The following RBM15B variants were observed in gnomAD, a reference collection of about 807,000 sequenced individuals.
The protein encoded by RBM15B is putative RNA-binding protein 15B.
RBM15B carries 11 observed loss-of-function variants against 53.3 expected under a neutral mutation model. The ratio of observed to expected loss-of-function variants is 0.21; its 90% CI spans 0.13 to 0.34. RBM15B has a LOEUF of 0.34. RBM15B is among the 10% of genes least tolerant of loss of function. The probability of loss-of-function intolerance (pLI) is 1.00; values close to 1 mark genes in which losing one functional copy is unlikely to be tolerated. For missense variants in RBM15B, 1,136 were observed against 1,250.3 expected, an observed-to-expected ratio of 0.91 and a Z score of 1.38; for synonymous variants, 631 against 540.7, an observed-to-expected ratio of 1.17 and a Z score of -2.32.
chr3:51,395,286 G>C lies in RBM15B; in HGVS notation c.*1214G>C, dbSNP rs2089135883. On this transcript the variant is annotated 3_prime_UTR_variant, in exon 1 of 1. Coordinates refer to ENST00000563281, the MANE Select transcript of RBM15B (RefSeq NM_013286.5). ...GGAAATAATTAATAGATATTTTTCT[G>C]GGGGGAAATCACAAGTCACTGAGGT... 6.0e-6 allele frequency: 1 copy of C among 167,142 alleles called. No individual in the cohort carries two copies. The highest frequency in any genetic ancestry group is 2.1e-4 in the South Asian group (1 of 4,832). 10.4% of individuals were successfully genotyped at this position (167,142 alleles called of 1,614,324 possible). A position where few individuals can be genotyped will look rare whatever the true frequency, so the allele number is the denominator to read the frequency against.
At position 51,391,763 on chromosome 3, in the gene RBM15B, C is replaced by T. The variant is rs1193558126; in HGVS notation, c.364C>T (p.Pro122Ser). 4 of 1,577,466 alleles carry T rather than the reference C, an allele frequency of 2.5e-6. No homozygotes were observed. The African/African-American group carries it at 5.6e-5, about 22-fold the overall frequency. The stretch of plus-strand genomic sequence containing the variant: ...TCCTCTGCCGCCGCCTCCGCCACCG[C>T]CTGGGGCCGAGCCCGCGTGTCCCGG... The part of the protein sequence containing the change: ...ASPLPPPPPP[P>S]GAEPACPGSS... Residue 122 changes from proline (P) to serine (S), a missense_variant, in exon 1 of 1, where the codon CCT becomes TCT. Physicochemically the swap from Pro to Ser is moderately conservative, Grantham distance 74 (BLOSUM62 -1). Around this residue, in one of 7 missense-constraint regions of RBM15B, gnomAD observed 257 missense variants for 261.1 expected, o/e 0.98. Coordinates refer to ENST00000563281, the MANE Select transcript of RBM15B (RefSeq NM_013286.5). The surrounding 1 kb of genome is among the most constrained non-coding windows in gnomAD (Gnocchi z 4.5).
In RBM15B at chr3:51,396,128, G is replaced by A. The variant is rs1553622867; in HGVS notation, c.*2056G>A. The stretch of plus-strand genomic sequence containing the variant: ...TTGTTAAGTCCAAAACTTCTTCTCT[G>A]GGCTACCTATCTTCCTTCATGAAGC... On this transcript the variant is annotated 3_prime_UTR_variant, in exon 1 of 1. Coordinates refer to ENST00000563281, the MANE Select transcript of RBM15B (RefSeq NM_013286.5). 4.9e-6 allele frequency: 2 copies of A among 405,302 alleles called. No individual in the cohort carries two copies. Among genetic ancestry groups the A allele is most frequent in the Non-Finnish European group, 9.0e-6 (2 of 221,620 alleles). 25.1% of individuals were successfully genotyped at this position (405,302 alleles called of 1,614,324 possible).
rs1249604063 is a variant in RBM15B at position 51,394,463 on chromosome 3, C to T, written c.*391C>T. On this transcript the variant is annotated 3_prime_UTR_variant, in exon 1 of 1. Transcript: ENST00000563281. ...ATCGAAGACATCCCTAGTGCATGTACACGAATGCCCTACGTCATCCTTCCA... is the reference window on the plus strand; with the variant it reads ...ATCGAAGACATCCCTAGTGCATGTATACGAATGCCCTACGTCATCCTTCCA... The T allele has an allele frequency of 5.8e-6, 1 of 172,972 alleles. No homozygotes were observed. The highest frequency in any genetic ancestry group is 1.4e-5 in the Non-Finnish European group (1 of 72,350). The allele number at this position is 172,972 out of a possible 1,614,324, so 10.7% of individuals were successfully genotyped here.
Position 51,393,265 on chromosome 3 carries a change from G to A in RBM15B, c.1866G>A (p.Gln622=). The stretch of plus-strand genomic sequence containing the variant: ...GGAGTAGGACCAAGGGCAGTGGGCA[G>A]CAGTCAGAGCGGGGCTCCGACCGCA... ...EERSRTKGSG[Q]QSERGSDRTP... The change falls in exon 1 of 1, where the codon CAG becomes CAA. Residue 622 remains glutamine, a synonymous_variant. Transcript: ENST00000563281. This position sits in a 1 kb window ranked among gnomAD's most constrained non-coding sequence, Gnocchi z 5.6. 6.2e-7 allele frequency: 1 copy of A among 1,612,808 alleles called. No homozygotes were observed. Among genetic ancestry groups the A allele is most frequent in the Non-Finnish European group, 8.5e-7 (1 of 1,179,440 alleles).
chr3:51,397,119 TTCTC>T lies in RBM15B; in HGVS notation c.*3051_*3054del, dbSNP rs1165625349. 6.0e-6 allele frequency: 1 copy of T among 167,140 alleles called. No homozygotes were observed. The highest frequency in any genetic ancestry group is 1.5e-5 in the Non-Finnish European group (1 of 68,136). The allele number at this position is 167,140 out of a possible 1,614,324, so 10.4% of individuals were successfully genotyped here. ...ACTTCACAACCAAATTTGTCCCCTC[TTCTC>T]TCTGTTAAGGGAGAGAAGTCACTTT... On this transcript the variant is annotated 3_prime_UTR_variant, in exon 1 of 1. Transcript: ENST00000563281.
rs782412766 is a variant in RBM15B, at chr3:51,391,746, C to T, written c.347C>T (p.Pro116Leu). The T allele has an allele frequency of 7.8e-6, 12 of 1,544,244 alleles. No individual in the cohort carries two copies. Among genetic ancestry groups the T allele is most frequent in the South Asian group, 2.3e-5 (2 of 85,700 alleles). ...ATGTCGCCCCGCGCGTCTCCTCTGC[C>T]GCCGCCTCCGCCACCGCCTGGGGCC... ...SGMSPRASPL[P>L]PPPPPPGAEP... The change falls in exon 1 of 1, where the codon CCG (proline) becomes CTG (leucine). Residue 116 changes from proline to leucine, a missense_variant. This residue lies in a region of RBM15B where 257 missense variants were observed against 261.1 expected (regional missense o/e 0.98). Transcript: ENST00000563281. This position sits in a 1 kb window ranked among gnomAD's most constrained non-coding sequence, Gnocchi z 4.5.
rs782439361 is a variant in RBM15B, at chr3:51,391,819, G to A, written c.420G>A (p.Thr140=). Residue 140 remains threonine (T), a synonymous_variant, in exon 1 of 1, where the codon ACG becomes ACA. Transcript: ENST00000563281. The surrounding 1 kb of genome is among the most constrained non-coding windows in gnomAD (Gnocchi z 4.5). ...GSSAAAPEYK[T]LLISSLSPAL... Reference sequence around the variant, plus strand: ...CCGCGGCCGCGCCTGAGTACAAGACGTTGCTCATCAGCAGCTTGAGCCCCG... The same window carrying A: ...CCGCGGCCGCGCCTGAGTACAAGACATTGCTCATCAGCAGCTTGAGCCCCG... 2.9e-5 allele frequency: 47 copies of A among 1,600,810 alleles called. No individual in the cohort carries two copies. The highest frequency in any genetic ancestry group is 3.7e-5 in the Non-Finnish European group (44 of 1,179,130).
At position 51,392,973 on chromosome 3, in the gene RBM15B, C is replaced by T; in HGVS notation, c.1574C>T (p.Ala525Val). ...TACACCCGGCACCGCAACCTGGACGCCGACCTGGTGCGGGACAGGACGCCC... is the reference window on the plus strand; with the variant it reads ...TACACCCGGCACCGCAACCTGGACGTCGACCTGGTGCGGGACAGGACGCCC... ...DGYTRHRNLD[A>V]DLVRDRTPPH... Residue 525 changes from alanine to valine, a missense_variant, in exon 1 of 1, where the codon GCC (alanine) becomes GTC (valine). Ala to Val is a moderately conservative substitution (Grantham distance 64). Transcript: ENST00000563281. The surrounding 1 kb of genome is among the most constrained non-coding windows in gnomAD (Gnocchi z 7.5). The T allele has an allele frequency of 6.2e-7, 1 of 1,613,792 alleles. No homozygotes were observed. The highest frequency in any genetic ancestry group is 2.2e-5 in the East Asian group (1 of 44,876).
chr3:51,391,814 A>G lies in RBM15B; in HGVS notation c.415A>G (p.Lys139Glu). 6.2e-7 allele frequency: 1 copy of G among 1,600,206 alleles called. No homozygotes were observed. Among genetic ancestry groups the G allele is most frequent in the Non-Finnish European group, 8.5e-7 (1 of 1,178,992 alleles). ...PGSSAAAPEY[K>E]TLLISSLSPA... ...CTCATCCGCGGCCGCGCCTGAGTAC[A>G]AGACGTTGCTCATCAGCAGCTTGAG... Residue 139 changes from lysine (K) to glutamate (E), a missense_variant, in exon 1 of 1, where the codon AAG becomes GAG. By Grantham distance (56) the Lys-to-Glu change is moderately conservative (BLOSUM62 1). Transcript: ENST00000563281. The surrounding 1 kb of genome is among the most constrained non-coding windows in gnomAD (Gnocchi z 4.5).
chr3:51,391,530 G>A lies in RBM15B; in HGVS notation c.131G>A (p.Gly44Asp), dbSNP rs2089036160. Residue 44 changes from glycine to aspartate, a missense_variant, in exon 1 of 1, where the codon GGC becomes GAC. Physicochemically the swap from Gly to Asp is moderately conservative, Grantham distance 94. Around this residue, in one of 7 missense-constraint regions of RBM15B, gnomAD observed 257 missense variants for 261.1 expected, o/e 0.98. Transcript: ENST00000563281. This position sits in a 1 kb window ranked among gnomAD's most constrained non-coding sequence, Gnocchi z 4.5. ...CGGGCGGCGCACAAGGCCTCTGGCG[G>A]CGCCAAGCACCCGGTTCCAGCGCGG... ...GRRAAHKASG[G>D]AKHPVPARAR... is the part of the protein sequence containing the mutation. 1 of 1,192,600 alleles carries A rather than the reference G, an allele frequency of 8.4e-7. No homozygotes were observed. Among genetic ancestry groups the A allele is most frequent in the Non-Finnish European group, 1.0e-6 (1 of 962,366 alleles). The allele number at this position is 1,192,600 out of a possible 1,614,324, so 73.9% of individuals were successfully genotyped here. A position where few individuals can be genotyped will look rare whatever the true frequency, so the allele number is the denominator to read the frequency against.
chr3:51,395,722 A>C lies in RBM15B; in HGVS notation c.*1650A>C. The C allele has an allele frequency of 2.4e-6, 1 of 413,026 alleles. No individual in the cohort carries two copies. Among genetic ancestry groups the C allele is most frequent in the Non-Finnish European group, 4.4e-6 (1 of 225,970 alleles). The allele number at this position is 413,026 out of a possible 1,614,324, so 25.6% of individuals were successfully genotyped here. On this transcript the variant is annotated 3_prime_UTR_variant, in exon 1 of 1. Coordinates refer to ENST00000563281, the MANE Select transcript of RBM15B (RefSeq NM_013286.5). ...TAGCATGAGTGACACCTGAGATTAG[A>C]GGCTGGGGCTCACTGCAGGCTGTGG...
At position 51,393,941 on chromosome 3, in the gene RBM15B, G is replaced by A. The variant is rs1553622111; in HGVS notation, c.2542G>A (p.Asp848Asn). ...GCCAGTGGGGGGGTCCAAGGGCAGA[G>A]ACGGCACAGGCATGCTCTACGCCTT... is the stretch of plus-strand genomic sequence containing the variant. ...SLPVGGSKGR[D>N]GTGMLYAFPP... The change falls in exon 1 of 1, where the codon GAC becomes AAC. Residue 848 changes from aspartate (D) to asparagine (N), a missense_variant. Around this residue, in one of 7 missense-constraint regions of RBM15B, gnomAD observed 578 missense variants for 581.6 expected, o/e 0.99. Transcript: ENST00000563281. This position sits in a 1 kb window ranked among gnomAD's most constrained non-coding sequence, Gnocchi z 5.6. 1 of 1,538,516 alleles carries A rather than the reference G, an allele frequency of 6.5e-7. No homozygotes were observed. The highest frequency in any genetic ancestry group is 2.1e-5 in the Admixed American group (1 of 48,510).
chr3:51,393,356 C>T lies in RBM15B; in HGVS notation c.1957C>T (p.Leu653Phe). ...EGTKESSSNSLSNSRHGAEER... is the reference protein window; with the variant it reads ...EGTKESSSNSFSNSRHGAEER... ...GACCAAGGAGTCCAGCAGCAACTCC[C>T]TCAGCAACAGCAGACATGGGGCTGA... Residue 653 changes from leucine (L) to phenylalanine (F), a missense_variant, in exon 1 of 1, where the codon CTC becomes TTC. By Grantham distance (22) the Leu-to-Phe change is conservative. Around this residue, in one of 7 missense-constraint regions of RBM15B, gnomAD observed 578 missense variants for 581.6 expected, o/e 0.99. Coordinates refer to ENST00000563281, the MANE Select transcript of RBM15B (RefSeq NM_013286.5). The surrounding 1 kb of genome is among the most constrained non-coding windows in gnomAD (Gnocchi z 5.6). The T allele has an allele frequency of 1.2e-6, 2 of 1,613,040 alleles. No individual in the cohort carries two copies. The highest frequency in any genetic ancestry group is 1.1e-5 in the South Asian group (1 of 91,050).
rs1553621876 is a variant in RBM15B, at chr3:51,393,032, T to A, written c.1633T>A (p.Phe545Ile). 1.2e-6 allele frequency: 2 copies of A among 1,613,750 alleles called. No homozygotes were observed. Among genetic ancestry groups the A allele is most frequent in the Admixed American group, 1.7e-5 (1 of 60,012 alleles). The change falls in exon 1 of 1, where the codon TTT (phenylalanine) becomes ATT (isoleucine). Residue 545 changes from phenylalanine (F) to isoleucine (I), a missense_variant. Phe to Ile is a conservative substitution (Grantham distance 21). Around this residue, in one of 7 missense-constraint regions of RBM15B, gnomAD observed 578 missense variants for 581.6 expected, o/e 0.99. Coordinates refer to ENST00000563281, the MANE Select transcript of RBM15B (RefSeq NM_013286.5). This position sits in a 1 kb window ranked among gnomAD's most constrained non-coding sequence, Gnocchi z 5.6. ...TCTGTACTCAGACCGAGACCGGACT[T>A]TTTTGGAAGGGGACTGGACCAGCCC... is the stretch of plus-strand genomic sequence containing the variant. ...HLLYSDRDRTFLEGDWTSPSK... is the reference protein window; with the variant it reads ...HLLYSDRDRTILEGDWTSPSK...
chr3:51,396,394 CT>C lies in RBM15B; in HGVS notation c.*2324del, dbSNP rs2089207078. 1 of 167,534 alleles carries C rather than the reference CT, an allele frequency of 6.0e-6. No homozygotes were observed. The highest frequency in any genetic ancestry group is 1.5e-5 in the Non-Finnish European group (1 of 68,442). 10.4% of individuals were successfully genotyped at this position (167,534 alleles called of 1,614,324 possible). On this transcript the variant is annotated 3_prime_UTR_variant, in exon 1 of 1. Transcript: ENST00000563281. ...CCTCAACCACTTCCTTCCTTTGGCTCTTAAGACCTAGCAGGTTCTGTGAACT... is the reference window on the plus strand; with the variant it reads ...CCTCAACCACTTCCTTCCTTTGGCTCTAAGACCTAGCAGGTTCTGTGAACT...
In RBM15B at chr3:51,393,023, G is replaced by T. The variant is rs782562680; in HGVS notation, c.1624G>T (p.Asp542Tyr). ...TPPHLLYSDR[D>Y]RTFLEGDWTS... ...CCCACACCTTCTGTACTCAGACCGA[G>T]ACCGGACTTTTTTGGAAGGGGACTG... Residue 542 changes from aspartate (D) to tyrosine (Y), a missense_variant, in exon 1 of 1, where the codon GAC becomes TAC. Around this residue, in one of 7 missense-constraint regions of RBM15B, gnomAD observed 578 missense variants for 581.6 expected, o/e 0.99. Coordinates refer to ENST00000563281, the MANE Select transcript of RBM15B (RefSeq NM_013286.5). This position sits in a 1 kb window ranked among gnomAD's most constrained non-coding sequence, Gnocchi z 5.6. The T allele has an allele frequency of 4.3e-6, 7 of 1,613,874 alleles. No individual in the cohort carries two copies. In the South Asian group the frequency reaches 7.7e-5, roughly 18 times the overall value.
chr3:51,393,492 TG>T lies in RBM15B; in HGVS notation c.2095del (p.Glu699LysfsTer10), dbSNP rs1553621985. 1.2e-6 allele frequency: 2 copies of T among 1,614,116 alleles called. No individual in the cohort carries two copies. Among genetic ancestry groups the T allele is most frequent in the South Asian group, 1.1e-5 (1 of 91,088 alleles). ...ACCACAGAGGCCGAGCCCAAGCCTC[TG>T]GAAGAGCCAAAACACGAGACCAAAA... ...HRTTEAEPKP[L>X]EEPKHETKKL... is the part of the protein sequence containing the mutation. On this transcript the variant is annotated frameshift_variant, in exon 1 of 1. Coordinates refer to ENST00000563281, the MANE Select transcript of RBM15B (RefSeq NM_013286.5). LOFTEE classifies it high-confidence loss of function. The surrounding 1 kb of genome is among the most constrained non-coding windows in gnomAD (Gnocchi z 5.6).
Position 51,397,310 on chromosome 3 carries a change from T to C in RBM15B, c.*3238T>C, listed in dbSNP as rs2089263744. 1 of 167,016 alleles carries C rather than the reference T, an allele frequency of 6.0e-6. No individual in the cohort carries two copies. Among genetic ancestry groups the C allele is most frequent in the South Asian group, 2.1e-4 (1 of 4,822 alleles). 10.3% of individuals were successfully genotyped at this position (167,016 alleles called of 1,614,324 possible). A position where few individuals can be genotyped will look rare whatever the true frequency, so the allele number is the denominator to read the frequency against. ...GGTACCTTGCCTGGTGGTTACACAG[T>C]TTAACCATAGGCCAATTTTAGGGGC... On this transcript the variant is annotated 3_prime_UTR_variant, in exon 1 of 1. Coordinates refer to ENST00000563281, the MANE Select transcript of RBM15B (RefSeq NM_013286.5).
rs570217137 is a variant in RBM15B, at chr3:51,393,694, C to T, written c.2295C>T (p.Ile765=). ...GGAGCAAGCTGACCCAGCTGAAGAT[C>T]GCCCAGCGCCTTCGACTGGACCAGC... is the stretch of plus-strand genomic sequence containing the variant. ...TSGSKLTQLK[I]AQRLRLDQPK... Residue 765 remains isoleucine (I), a synonymous_variant, in exon 1 of 1, where the codon ATC becomes ATT. Transcript: ENST00000563281. The surrounding 1 kb of genome is among the most constrained non-coding windows in gnomAD (Gnocchi z 5.6). 5 of 1,612,734 alleles carry T rather than the reference C, an allele frequency of 3.1e-6. No individual in the cohort carries two copies. The Admixed American group carries it at 5.0e-5, about 16-fold the overall frequency.
Sources: gnomAD v4.1 joint callset for allele counts on GRCh38, gnomAD v4.1.1 for gene constraint, gnomAD v4.1.1 regional missense constraint, Gnocchi (gnomAD v3.1) non-coding constraint, MANE v1.5 for transcripts, NCBI Gene and HGNC (gene_info 2026-07-23, HGNC 2026-07-21) for gene names.